Variants in VPS11 observed in about 807,000 individuals in gnomAD.
VPS11 encodes the protein VPS11 core subunit of CORVET and HOPS complexes, also known as vacuolar protein sorting-associated protein 11 homolog.
A neutral mutation model predicts 106.8 loss-of-function variants in VPS11; 51 were observed. The ratio of observed to expected loss-of-function variants is 0.48; its 90% CI spans 0.38 to 0.60. The LOEUF (loss-of-function observed/expected upper bound fraction) is 0.60, where lower values mean the gene tolerates loss of function less well. Among genes scored for constraint, VPS11 ranks in the 20% least tolerant of loss-of-function variants. The probability of loss-of-function intolerance (pLI) is 0.00; values close to 1 mark genes in which losing one functional copy is unlikely to be tolerated. For synonymous variants in VPS11, 453 were observed against 458.7 expected (o/e 0.99, Z 0.16); for missense variants, 950 against 1,190.0 (o/e 0.80, Z 2.97).
chr11:119,077,409 T>C (rs901642466), intron 8 of VPS11, 92 bp from the exon 9 acceptor site: 38 of 1,479,612 alleles, frequency 2.6e-5, no homozygotes, highest in Middle Eastern at 3.6e-4. Flanking sequence ...CGTTATGATA[T>C]CACCTTAGGA....
At chr11:119,077,191 C>A (rs992317777) in intron 8 of VPS11, 108 bp downstream of exon 8, 2 of 1,368,892 alleles carry the variant, frequency 1.5e-6, no homozygotes, top group Non-Finnish European at 2.0e-6. Context: ...AAGGGCTGAC[C>A]TTATTTAGAG....
intron 7 of VPS11, 83 bp from the exon 8 acceptor site, chr11:119,076,814 A>G: frequency 6.0e-6 from 9 of 1,498,832 alleles, no homozygotes; most frequent in Non-Finnish European, 9.1e-7. Context: ...TTGCATTTTG[A>G]GAAGATCTGC....
chr11:119,070,559 G>T, intron 4 of VPS11, 162 bp downstream of exon 4: 1 of 799,030 alleles, frequency 1.3e-6, no homozygotes, highest in Non-Finnish European at 1.8e-6. Flanking sequence ...TGCCTAGGAA[G>T]CTGGAAAGAG....
chr11:119,073,609 A>G, intron 6 of VPS11, 191 bp from the exon 7 acceptor site: 1 of 876,046 alleles, frequency 1.1e-6, no homozygotes, highest in Non-Finnish European at 1.7e-6. Flanking sequence ...CTAAGGGTTC[A>G]CTTTGTTTCC....
At chr11:119,079,948 A>G (rs1479401571) in intron 14 of VPS11, among the ~76,000 whole-genome samples, 3 of 152,202 alleles carry the variant, frequency 2.0e-5, no homozygotes, top group African/African-American at 7.2e-5. Context: ...CATTCTACAA[A>G]TATTGAGCCT....
chr11:119,076,673 C>G (rs1348615149), intron 7 of VPS11: 2 of 489,296 alleles, frequency 4.1e-6, no homozygotes, highest in Non-Finnish European at 7.2e-6. Flanking sequence ...TATTTTTAGC[C>G]AAATTTAAGA....
Position 119,078,274 on chromosome 11 carries a change from G to A in VPS11, c.1863G>A (p.Gly621=), listed in dbSNP as rs782789112. The change falls in exon 11 of 16, where the codon GGG becomes GGA. Residue 621 remains glycine (G), a synonymous_variant. Coordinates refer to ENST00000621676, the MANE Select transcript of VPS11 (RefSeq NM_021729.6). ...MSEVQPDSPQ[G]IYDTLLELRL... is the part of the protein sequence containing the mutation. ...AAGTGCAGCCAGACTCACCCCAGGG[G>A]ATCTACGACACACTCCTTGAGCTGC... The A allele has an allele frequency of 6.8e-6, 11 of 1,613,320 alleles. No homozygotes were observed. The Admixed American group carries it at 1.8e-4, about 27-fold the overall frequency.
chr11:119,078,582 C>T lies in VPS11; in HGVS notation c.1941C>T (p.His647=), dbSNP rs375275001. The change falls in exon 12 of 16, where the codon CAC becomes CAT. Residue 647 remains histidine, a synonymous_variant. Coordinates refer to ENST00000621676, the MANE Select transcript of VPS11 (RefSeq NM_021729.6). ...EKDPQVKEKL[H]AEAISLLKSG... is the part of the protein sequence containing the mutation. ...CTCTCCAGGTCAAAGAGAAGCTTCACGCAGAGGCCATTTCCCTGCTGAAGA... is the reference window on the plus strand; with the variant it reads ...CTCTCCAGGTCAAAGAGAAGCTTCATGCAGAGGCCATTTCCCTGCTGAAGA... 65 of 1,611,466 alleles carry T rather than the reference C, an allele frequency of 4.0e-5. No individual in the cohort carries two copies. Among genetic ancestry groups the T allele is most frequent in the East Asian group, 1.3e-4 (6 of 44,772 alleles).
Position 119,079,260 on chromosome 11 carries a change from A to G in VPS11, c.2398A>G (p.Thr800Ala). Residue 800 changes from threonine (T) to alanine (A), a missense_variant, in exon 14 of 16, where the codon ACC becomes GCC. Transcript: ENST00000621676. ...ELRVRRYREE[T>A]TRIRQEIQEL... The stretch of plus-strand genomic sequence containing the variant: ...GCGGGTGCGGCGGTACCGAGAGGAG[A>G]CCACCCGTATCCGCCAGGAGATCCA... The G allele has an allele frequency of 1.2e-6, 2 of 1,604,520 alleles. No individual in the cohort carries two copies.
chr11:119,074,729 A>G (rs1945536623), intron 7 of VPS11, among the ~76,000 whole-genome samples: 1 of 152,144 alleles, frequency 6.6e-6, no homozygotes, highest in Non-Finnish European at 1.5e-5. Context: ...TATAAGAACT[A>G]TGATGCCTTA....
At position 119,078,798 on chromosome 11, in the gene VPS11, C is replaced by CCAG. The variant is rs1429351168; in HGVS notation, c.2071_2073dup (p.Gln691dup). ...TGTGCCCTTGCCCCGGCCGCAGGTTCCAGCAGATCATGCACTACCACATGC... is the reference window on the plus strand; with the variant it reads ...TGTGCCCTTGCCCCGGCCGCAGGTTCCAGCAGCAGATCATGCACTACCACATGC... On this transcript the variant is annotated inframe_insertion, in exon 13 of 16. Coordinates refer to ENST00000621676, the MANE Select transcript of VPS11 (RefSeq NM_021729.6). 2.5e-6 allele frequency: 4 copies of CCAG among 1,613,216 alleles called. No homozygotes were observed. Among genetic ancestry groups the CCAG allele is most frequent in the Non-Finnish European group, 3.4e-6 (4 of 1,179,534 alleles).
chr11:119,076,819 A>C, intron 7 of VPS11, 78 bp from the exon 8 acceptor site: 1 of 1,523,210 alleles, frequency 6.6e-7, no homozygotes, highest in Non-Finnish European at 9.0e-7. Context: ...TTTTGAGAAG[A>C]TCTGCAAGTG....
rs1052934265 is a variant in VPS11, at chr11:119,071,976, G to A, written c.884+133G>A. On this transcript the variant is annotated intron_variant, in intron 5 of 15. Coordinates refer to ENST00000621676, the MANE Select transcript of VPS11 (RefSeq NM_021729.6). ...CCGGTGTTATGTAGGTAACATTTCT[G>A]TTTTTTTTTTTTGAGATGGAGTCTC... is the stretch of plus-strand genomic sequence containing the variant. 170 of 1,027,790 alleles carry A rather than the reference G, an allele frequency of 1.7e-4. 1 individual carries two copies. In the African/African-American group the frequency reaches 2.4e-3, roughly 14 times the overall value. 63.7% of individuals were successfully genotyped at this position (1,027,790 alleles called of 1,614,324 possible). A position where few individuals can be genotyped will look rare whatever the true frequency, so the allele number is the denominator to read the frequency against.
At chr11:119,072,427 A>G (rs11822589) in intron 5 of VPS11, 7,794 of 153,760 alleles carry the variant, frequency 0.051, 661 homozygotes, top group African/African-American at 0.18. Flanking sequence ...GTCTCGCTCT[A>G]TTGCCCAGGC....
At chr11:119,071,482 A>T in intron 4 of VPS11, 114 bp from the exon 5 acceptor site, 1 of 1,360,622 alleles carries the variant, frequency 7.3e-7, no homozygotes, top group Non-Finnish European at 1.0e-6. Context: ...CAAGAGAAAG[A>T]CTTTAGAATG....
chr11:119,079,364 T>C, intron 14 of VPS11, 64 bp downstream of exon 14: 1 of 1,489,254 alleles, frequency 6.7e-7, no homozygotes, highest in South Asian at 1.3e-5. Context: ...GGGTATTCAT[T>C]ACTAAGTACT....
In VPS11 at chr11:119,078,781, T is replaced by C. The variant is rs997799782; in HGVS notation, c.2064-14T>C. ...AGAGACAGCCACTGAGGTGTGCCCT[T>C]GCCCCGGCCGCAGGTTCCAGCAGAT... On this transcript the variant is annotated splice_polypyrimidine_tract_variant and intron_variant, in intron 12 of 15. Transcript: ENST00000621676. The C allele has an allele frequency of 6.2e-7, 1 of 1,611,744 alleles. No homozygotes were observed. Among genetic ancestry groups the C allele is most frequent in the Non-Finnish European group, 8.5e-7 (1 of 1,178,874 alleles).
At chr11:119,068,847 G>A (rs1332549582) in intron 1 of VPS11, among the ~76,000 whole-genome samples, 1 of 151,882 alleles carries the variant, frequency 6.6e-6, no homozygotes, top group Non-Finnish European at 1.5e-5. Flanking sequence ...CGCCTCCCGG[G>A]TTCAAGCAAT....
intron 4 of VPS11, chr11:119,070,611 C>CTG (rs1945343122): frequency 2.3e-5 from 6 of 255,412 alleles, no homozygotes; most frequent in Admixed American, 1.6e-4. Flanking sequence ...AATTTTCTTT[C>CTG]TTTTTTTTTT....
Sources: allele counts gnomAD v4.1 joint callset (sites outside exome capture counted in the v4.1 genomes callset), GRCh38; gene constraint gnomAD v4.1.1; transcripts MANE v1.5; gene names NCBI Gene and HGNC (gene_info 2026-07-23, HGNC 2026-07-21).